The following VEPH1 variants were observed in gnomAD, a reference collection of about 807,000 sequenced individuals.
The protein encoded by VEPH1 is ventricular zone expressed PH domain containing 1.
A neutral mutation model predicts 85.2 loss-of-function variants in VEPH1; 80 were observed. The ratio of observed to expected loss-of-function variants is 0.94; its 90% CI spans 0.78 to 1.13. The LOEUF (loss-of-function observed/expected upper bound fraction) is 1.13. VEPH1 is among the 50% of genes most tolerant of loss of function. The pLI is 0.00. For synonymous variants in VEPH1, 297 were observed against 348.0 expected (o/e 0.85, Z 1.63); for missense variants, 955 against 980.5 (o/e 0.97, Z 0.35).
chr3:157,351,473 C>T (rs562796237), intron 9 of VEPH1, among the ~76,000 whole-genome samples: 4 of 151,880 alleles, frequency 2.6e-5, no homozygotes, highest in Admixed American at 6.6e-5. Context: ...GGATTACAGG[C>T]GTGAGCCACC....
intron 9 of VEPH1, among the ~76,000 whole-genome samples, chr3:157,331,972 A>C (rs1722549634): frequency 6.6e-6 from 1 of 152,196 alleles, no homozygotes; most frequent in Admixed American, 6.5e-5. Flanking sequence ...ATCTTAAGCA[A>C]ATTTTGTTTT....
In VEPH1 at chr3:157,461,758, C is replaced by T. The variant is rs577571780; in HGVS notation, c.355-1403G>A. Among the ~76,000 whole-genome samples, 32 of 152,014 alleles carry T rather than the reference C, an allele frequency of 2.1e-4. 1 individual carries two copies. Among genetic ancestry groups the T allele is most frequent in the Admixed American group, 1.4e-3 (22 of 15,252 alleles). On this transcript the variant is annotated intron_variant, in intron 3 of 13. Transcript: ENST00000362010. The stretch of plus-strand genomic sequence containing the variant: ...AAACATATCCCCACCCCTATATCTG[C>T]CATAACTAAAATCAATTTCAGATAG...
At chr3:157,388,277 G>A (rs1023280385) in intron 6 of VEPH1, among the ~76,000 whole-genome samples, 3 of 152,120 alleles carry the variant, frequency 2.0e-5, no homozygotes, top group Non-Finnish European at 4.4e-5. Flanking sequence ...TTAACTGCCT[G>A]GGGGCGTATT....
At chr3:157,500,388 G>T (rs1455380877) in intron 1 of VEPH1, among the ~76,000 whole-genome samples, 1 of 152,152 alleles carries the variant, frequency 6.6e-6, no homozygotes, top group African/African-American at 2.4e-5. Context: ...TCATCTTTGT[G>T]CTCACTAGGG....
chr3:157,470,271 G>A, intron 3 of VEPH1, 43 bp downstream of exon 3: 1 of 1,583,368 alleles, frequency 6.3e-7, no homozygotes, highest in Non-Finnish European at 8.7e-7. Context: ...CACCTAGGCT[G>A]CCAACTCAGT....
At chr3:157,458,887 C>A (rs546657778) in intron 4 of VEPH1, among the ~76,000 whole-genome samples, 1 of 152,240 alleles carries the variant, frequency 6.6e-6, no homozygotes, top group South Asian at 2.1e-4. Context: ...GTCCTTCCCC[C>A]ACTGATTATT....
At chr3:157,393,278 G>T (rs1413750457) in intron 6 of VEPH1, among the ~76,000 whole-genome samples, 3 of 152,148 alleles carry the variant, frequency 2.0e-5, no homozygotes, top group Non-Finnish European at 2.9e-5. Context: ...CAGGCTTCTT[G>T]TTATAGGAGA....
chr3:157,271,589 C>T (rs1420726346), intron 12 of VEPH1, among the ~76,000 whole-genome samples: 2 of 152,102 alleles, frequency 1.3e-5, no homozygotes, highest in South Asian at 2.1e-4. Flanking sequence ...AGGACACTGT[C>T]GACCCTCGGT....
intron 4 of VEPH1, chr3:157,443,643 TTC>T (rs1320123602): frequency 6.6e-6 from 1 of 152,380 alleles, no homozygotes; most frequent in Non-Finnish European, 1.5e-5. Context: ...ACTCGTACTT[TTC>T]TCTTTTCATT....
At chr3:157,376,052 G>A (rs577369204) in intron 7 of VEPH1, among the ~76,000 whole-genome samples, 18 of 152,254 alleles carry the variant, frequency 1.2e-4, no homozygotes, top group Non-Finnish European at 2.4e-4. Context: ...CTCTGCCCCA[G>A]GCCTGTGTCA....
intron 2 of VEPH1, among the ~76,000 whole-genome samples, chr3:157,474,601 C>T (rs78714187): frequency 0.021 from 3,235 of 152,178 alleles, 100 homozygotes; most frequent in African/African-American, 0.07. Context: ...CCTTGATCAT[C>T]GTCTGGGTCC....
chr3:157,362,123 C>T (rs994405825), intron 9 of VEPH1, among the ~76,000 whole-genome samples: 3 of 152,028 alleles, frequency 2.0e-5, no homozygotes, highest in African/African-American at 4.8e-5. Context: ...CTCCACCTCT[C>T]GGGCTCAAGC....
chr3:157,467,265 C>A (rs1460267181), intron 3 of VEPH1, among the ~76,000 whole-genome samples: 2 of 151,760 alleles, frequency 1.3e-5, no homozygotes, highest in Non-Finnish European at 2.9e-5. Flanking sequence ...ACAGTAAGAC[C>A]CTGGGTTGCT....
At chr3:157,288,805 T>G (rs1473056562) in intron 11 of VEPH1, among the ~76,000 whole-genome samples, 5 of 152,308 alleles carry the variant, frequency 3.3e-5, no homozygotes, top group Admixed American at 3.3e-4. Flanking sequence ...AATGGATACT[T>G]TTCCGCATCC....
chr3:157,385,528 A>T (rs1326109728), intron 6 of VEPH1, among the ~76,000 whole-genome samples: 1 of 152,198 alleles, frequency 6.6e-6, no homozygotes, highest in Non-Finnish European at 1.5e-5. Context: ...TTTCATTAAA[A>T]AATCACATTT....
At chr3:157,463,280 A>G (rs549032100) in intron 3 of VEPH1, among the ~76,000 whole-genome samples, 11 of 152,338 alleles carry the variant, frequency 7.2e-5, no homozygotes, top group Non-Finnish European at 1.6e-4. Flanking sequence ...CACTGGGCAG[A>G]GAAAATAGGT....
At chr3:157,291,457 T>C (rs919874871) in intron 11 of VEPH1, among the ~76,000 whole-genome samples, 3 of 152,224 alleles carry the variant, frequency 2.0e-5, no homozygotes, top group Admixed American at 2.0e-4. Flanking sequence ...TTTTTATGTT[T>C]TTCAACTTGT....
intron 9 of VEPH1, among the ~76,000 whole-genome samples, chr3:157,343,520 T>C: frequency 6.6e-6 from 1 of 152,116 alleles, no homozygotes. Flanking sequence ...GGCTCTGAAA[T>C]TGAGGCAATA....
At chr3:157,484,458 C>A (rs1043245367) in intron 2 of VEPH1, among the ~76,000 whole-genome samples, 1 of 152,080 alleles carries the variant, frequency 6.6e-6, no homozygotes, top group African/African-American at 2.4e-5. Context: ...CATGCCACTG[C>A]ACTTGCTGAA....
Sources: allele counts gnomAD v4.1 joint callset (sites outside exome capture counted in the v4.1 genomes callset), GRCh38; gene constraint gnomAD v4.1.1; transcripts MANE v1.5; gene names NCBI Gene and HGNC (gene_info 2026-07-23, HGNC 2026-07-21).